Variants in JCAD observed in about 807,000 individuals in gnomAD.
The protein encoded by JCAD is junctional cadherin 5-associated protein.
In JCAD, 40 loss-of-function variants were observed where a neutral mutation model predicts 98.0. The ratio of observed to expected loss-of-function variants is 0.41; its 90% CI spans 0.32 to 0.53. The LOEUF is 0.53. Ranked by LOEUF, JCAD falls within the 20% of genes least tolerant of loss-of-function variation. JCAD has a pLI of 0.31. For missense variants in JCAD, 1,705 were observed against 1,738.1 expected, an observed-to-expected ratio of 0.98 and a Z score of 0.34; for synonymous variants, 691 against 682.3, an observed-to-expected ratio of 1.01 and a Z score of -0.20.
chr10:30,018,348 C>T lies in JCAD; in HGVS notation c.4046-431G>A, dbSNP rs139683531. On this transcript the variant is annotated intron_variant, in intron 3 of 3. Transcript: ENST00000375377. ...TCAAAAGAAAGCTTGCTTTAGAATA[C>T]GCATCTTTGTGATCAAACGCTGTCC... Among the ~76,000 whole-genome samples the T allele has an allele frequency of 7.8e-3, 1,145 of 147,604 alleles. 9 individuals are homozygous for T. The highest frequency in any genetic ancestry group is 0.024 in the Middle Eastern group (7 of 286).
chr10:30,053,613 C>A (rs559357990), intron 1 of JCAD, among the ~76,000 whole-genome samples: 1 of 151,304 alleles, frequency 6.6e-6, no homozygotes, highest in Non-Finnish European at 1.5e-5. Flanking sequence ...GTAACAAAAT[C>A]TTTAAACATC....
At chr10:30,053,569 AG>A (rs57639239) in intron 1 of JCAD, among the ~76,000 whole-genome samples, 11,113 of 147,474 alleles carry the variant, frequency 0.075, 675 homozygotes, top group East Asian at 0.2. Context: ...CAAAAAAAAA[AG>A]AAAAGAAAAG....
At chr10:30,084,085 GAGAGAAAGAAAGGGAGAAAGAGAA>G (rs1838129409) in intron 1 of JCAD, among the ~76,000 whole-genome samples, 1 of 149,914 alleles carries the variant, frequency 6.7e-6, no homozygotes, top group African/African-American at 2.5e-5. Context: ...AAGAAAGAGT[GAGAGAAAGAAAGGGAGAAAGAGAA>G]AGAAAAAGAA....
intron 3 of JCAD, 26 bp from the exon 4 acceptor site, chr10:30,017,943 A>C (rs770009857): frequency 3.2e-5 from 50 of 1,584,522 alleles, no homozygotes; most frequent in Non-Finnish European, 3.8e-5. Flanking sequence ...AGAAAAGAAA[A>C]TTAGTGTTAT....
Position 30,029,704 on chromosome 10 carries a change from G to C in JCAD, c.444C>G (p.His148Gln). 6.2e-7 allele frequency: 1 copy of C among 1,614,196 alleles called. No individual in the cohort carries two copies. Among genetic ancestry groups the C allele is most frequent in the Non-Finnish European group, 8.5e-7 (1 of 1,180,038 alleles). The change falls in exon 3 of 4, where the codon CAC (histidine) becomes CAG (glutamine). Residue 148 changes from histidine (H) to glutamine (Q), a missense_variant. Transcript: ENST00000375377. ...CAACTTCCCATGGACCCTCCCTCAC[G>C]TGGACAGGCAGGCTGTGGGCTTGGG... ...GMAQAHSLPV[H>Q]VREGPWEVGG...
At chr10:30,039,496 C>A (rs185396036) in intron 2 of JCAD, among the ~76,000 whole-genome samples, 5 of 152,110 alleles carry the variant, frequency 3.3e-5, no homozygotes, top group Admixed American at 2.6e-4. Context: ...TGAGATAATA[C>A]CTTCAAAGTG....
chr10:30,025,561 AGG>A (rs1836772596), intron 3 of JCAD, among the ~76,000 whole-genome samples: 1 of 7,992 alleles, frequency 1.3e-4, no homozygotes, highest in Non-Finnish European at 2.2e-4. Context: ...AGGGGAGGGG[AGG>A]GGAGGGGAGG....
intron 3 of JCAD, among the ~76,000 whole-genome samples, chr10:30,024,762 C>G (rs571954812): frequency 6.7e-4 from 93 of 139,264 alleles, no homozygotes; most frequent in Non-Finnish European, 9.4e-4. Flanking sequence ...GAGGCACAAT[C>G]TCGGCTCACC....
intron 2 of JCAD, among the ~76,000 whole-genome samples, chr10:30,034,953 A>T (rs577536250): frequency 6.6e-6 from 1 of 152,280 alleles, no homozygotes; most frequent in South Asian, 2.1e-4. Context: ...GTAGGCTTTT[A>T]TGAAGCACCG....
intron 2 of JCAD, among the ~76,000 whole-genome samples, chr10:30,035,747 A>G (rs532851938): frequency 6.6e-6 from 1 of 152,396 alleles, no homozygotes; most frequent in East Asian, 1.9e-4. Flanking sequence ...AACATGCTGA[A>G]CACATTAACA....
chr10:30,044,633 T>C (rs1191085931), intron 2 of JCAD, among the ~76,000 whole-genome samples: 1 of 151,684 alleles, frequency 6.6e-6, no homozygotes, highest in Non-Finnish European at 1.5e-5. Flanking sequence ...ACAGCACCAT[T>C]TATTCATCAG....
At position 30,027,213 on chromosome 10, in the gene JCAD, A is replaced by G. The variant is rs759551623; in HGVS notation, c.2935T>C (p.Ser979Pro). 6 of 1,614,026 alleles carry G rather than the reference A, an allele frequency of 3.7e-6. No individual in the cohort carries two copies. The highest frequency in any genetic ancestry group is 4.2e-6 in the Non-Finnish European group (5 of 1,180,034). Residue 979 changes from serine (S) to proline (P), a missense_variant, in exon 3 of 4, where the codon TCT becomes CCT. Physicochemically the swap from Ser to Pro is moderately conservative, Grantham distance 74. This residue lies in a region of JCAD where 1,278 missense variants were observed against 1,243.1 expected (regional missense o/e 1.03). Transcript: ENST00000375377. ...GGTTTTGCGTCACTTGATCTTGAAG[A>G]CATTCTCGTCACAGGAAATGGGCTA... ...AGSPFPVTRM[S>P]SRSSDAKPLP...
At chr10:30,099,638 A>G (rs1053946050) in intron 1 of JCAD, among the ~76,000 whole-genome samples, 2 of 152,080 alleles carry the variant, frequency 1.3e-5, no homozygotes, top group African/African-American at 2.4e-5. Flanking sequence ...ATTTTAAATA[A>G]TGACAGGATC....
At chr10:30,072,923 C>T (rs1837919002) in intron 1 of JCAD, among the ~76,000 whole-genome samples, 1 of 152,192 alleles carries the variant, frequency 6.6e-6, no homozygotes, top group Admixed American at 6.5e-5. Context: ...CAGGTGTGAA[C>T]CACCGCACCC....
Position 30,077,762 on chromosome 10 carries a change from G to A in JCAD, n.129-7941C>T, listed in dbSNP as rs184198962. Among the ~76,000 whole-genome samples the A allele has an allele frequency of 3.2e-3, 482 of 152,202 alleles. 2 individuals carry two copies. Among genetic ancestry groups the A allele is most frequent in the Non-Finnish European group, 4.8e-3 (327 of 68,022 alleles). On this transcript the variant is annotated intron_variant and non_coding_transcript_variant, in intron 1 of 2. Coordinates refer to the JCAD transcript ENST00000465712. ...GCAACACACAGAATTTCACTCCTTC[G>A]TAAGGCTGAATAATCTTCAATGGTA...
chr10:30,079,651 GACACACAACGTGGCC>G (rs759006836), intron 1 of JCAD, among the ~76,000 whole-genome samples: 40 of 152,130 alleles, frequency 2.6e-4, no homozygotes, highest in Non-Finnish European at 5.0e-4. Flanking sequence ...TTGCTCACAT[GACACACAACGTGGCC>G]ACTCCTACTG....
At chr10:30,078,533 G>A (rs184853319) in intron 1 of JCAD, among the ~76,000 whole-genome samples, 1 of 152,256 alleles carries the variant, frequency 6.6e-6, no homozygotes, top group East Asian at 1.9e-4. Flanking sequence ...TGAATGGCTG[G>A]ACAAAAGCGG....
intron 1 of JCAD, among the ~76,000 whole-genome samples, chr10:30,089,518 G>GTT (rs1838224985): frequency 6.8e-6 from 1 of 147,160 alleles, no homozygotes; most frequent in Admixed American, 6.7e-5. Context: ...TCTTCCGTGT[G>GTT]TGTGTGTGTG....
chr10:30,107,109 T>C (rs550417439), intron 1 of JCAD, among the ~76,000 whole-genome samples: 58 of 152,278 alleles, frequency 3.8e-4, no homozygotes, highest in South Asian at 1.7e-3. Flanking sequence ...CTTACACAAA[T>C]ACTCATTTGA....
Sources: allele counts gnomAD v4.1 joint callset (sites outside exome capture counted in the v4.1 genomes callset), GRCh38; gene constraint gnomAD v4.1.1; regional missense constraint gnomAD v4.1.1; transcripts MANE v1.5; gene names NCBI Gene and HGNC (gene_info 2026-07-23, HGNC 2026-07-21).